IQCM: variants seen among roughly 807,000 people sequenced by gnomAD.
The protein encoded by IQCM is IQ domain-containing protein M.
Under a neutral mutation model 57.6 loss-of-function variants are expected in IQCM, and 45 were observed. The observed-to-expected ratio is 0.78, with a 90% CI of 0.62 to 1.00. The LOEUF is 1.00. IQCM is among the 50% of genes least tolerant of loss of function. The pLI, the probability that IQCM is intolerant of heterozygous loss-of-function variation, is 0.00. For missense variants in IQCM, 468 were observed against 511.6 expected, an observed-to-expected ratio of 0.91 and a Z score of 0.82; for synonymous variants, 148 against 158.9, an observed-to-expected ratio of 0.93 and a Z score of 0.51.
intron 8 of IQCM, among the ~76,000 whole-genome samples, chr4:149,592,574 G>T (rs529451572): frequency 1.3e-4 from 19 of 151,780 alleles, no homozygotes; most frequent in Admixed American, 9.9e-4. Flanking sequence ...TTTCTTCTAG[G>T]GTTTTTATGG....
chr4:149,474,823 T>G (rs1225302634), intron 12 of IQCM, among the ~76,000 whole-genome samples: 1 of 152,042 alleles, frequency 6.6e-6, no homozygotes, highest in Non-Finnish European at 1.5e-5. Flanking sequence ...GTTAGCTGGA[T>G]GAAAATCTGA....
Position 149,742,749 on chromosome 4 carries a change from A to G in IQCM, c.-48-10T>C. 1 of 1,031,814 alleles carries G rather than the reference A, an allele frequency of 9.7e-7. No homozygotes were observed. The highest frequency in any genetic ancestry group is 1.2e-6 in the Non-Finnish European group (1 of 805,216). The allele number at this position is 1,031,814 out of a possible 1,614,324, so 63.9% of individuals were successfully genotyped here. ...GTGTGAGCTCCAAGTCCTTAAACAC[A>G]GTTACATTAAGTAATTCAGTGATGA... On this transcript the variant is annotated splice_polypyrimidine_tract_variant and intron_variant, in intron 2 of 13. Coordinates refer to ENST00000636793, the MANE Select transcript of IQCM (RefSeq NM_001363507.2).
At chr4:149,509,441 G>C (rs1382042827) in intron 12 of IQCM, among the ~76,000 whole-genome samples, 3 of 151,974 alleles carry the variant, frequency 2.0e-5, no homozygotes, top group African/African-American at 7.2e-5. Flanking sequence ...ATTATGCTCA[G>C]CTTTTTTTTT....
chr4:149,691,722 G>C (rs138596198), intron 5 of IQCM: 2 of 152,204 alleles, frequency 1.3e-5, no homozygotes, highest in East Asian at 3.9e-4. Flanking sequence ...TAGATCAAGA[G>C]ATTACAGATA....
chr4:149,422,349 T>G (rs924407460), intron 13 of IQCM, among the ~76,000 whole-genome samples: 4 of 151,852 alleles, frequency 2.6e-5, no homozygotes, highest in Admixed American at 2.0e-4. Context: ...AGGCAACAAG[T>G]TTACAAGGCT....
rs974296684 is a variant in IQCM, at chr4:149,796,571, C to T, written c.-49+18740G>A. 5.3e-5 allele frequency among the ~76,000 whole-genome samples: 8 copies of T among 152,094 alleles called. No homozygotes were observed. In the East Asian group the frequency reaches 1.2e-3, roughly 22 times the overall value. ...CCCCAGGCCTTTGAGTGAACATAGG[C>T]AGTAGCTAGGGAGTGATTACATCAG... On this transcript the variant is annotated intron_variant, in intron 2 of 13. Coordinates refer to ENST00000636793, the MANE Select transcript of IQCM (RefSeq NM_001363507.2).
intron 13 of IQCM, among the ~76,000 whole-genome samples, chr4:149,357,029 T>C (rs906833191): frequency 1.3e-5 from 2 of 152,236 alleles, no homozygotes; most frequent in Non-Finnish European, 2.9e-5. Flanking sequence ...AGTTCACTCA[T>C]GATTTGGCTC....
rs894075899 is a variant in IQCM, at chr4:149,746,929, A to G, written c.-48-4190T>C. 5.3e-5 allele frequency among the ~76,000 whole-genome samples: 8 copies of G among 152,290 alleles called. No individual in the cohort carries two copies. The South Asian group carries it at 1.7e-3, about 32-fold the overall frequency. Reference sequence around the variant, plus strand: ...AGTCTAGACCAGGCCACTTCTGGTCATGTCCCTAGTTGCAGGCCTCATCAG... The same window carrying G: ...AGTCTAGACCAGGCCACTTCTGGTCGTGTCCCTAGTTGCAGGCCTCATCAG... On this transcript the variant is annotated intron_variant, in intron 2 of 13. Transcript: ENST00000636793.
At chr4:149,707,985 T>C (rs1253632155) in intron 5 of IQCM, among the ~76,000 whole-genome samples, 1 of 152,044 alleles carries the variant, frequency 6.6e-6, no homozygotes, top group Non-Finnish European at 1.5e-5. Context: ...ATGTTTGCAA[T>C]CTTCCTTCTT....
intron 12 of IQCM, among the ~76,000 whole-genome samples, chr4:149,481,406 TTAATC>T (rs1410275036): frequency 6.6e-6 from 1 of 152,140 alleles, no homozygotes; most frequent in East Asian, 1.9e-4. Flanking sequence ...ATTTAAGTCT[TTAATC>T]TATCTAGATT....
intron 5 of IQCM, among the ~76,000 whole-genome samples, chr4:149,715,234 C>A (rs752096630): frequency 9.9e-5 from 15 of 152,164 alleles, no homozygotes; most frequent in Admixed American, 2.0e-4. Flanking sequence ...AGATCCCATG[C>A]CTGCCAAGGG....
At chr4:149,648,470 C>A (rs1758845766) in intron 7 of IQCM, among the ~76,000 whole-genome samples, 1 of 152,088 alleles carries the variant, frequency 6.6e-6, no homozygotes, top group Non-Finnish European at 1.5e-5. Context: ...GGTTCCAAGT[C>A]TTTGTTATTG....
chr4:149,455,663 C>T (rs544057219), intron 12 of IQCM, among the ~76,000 whole-genome samples: 2 of 152,104 alleles, frequency 1.3e-5, no homozygotes, highest in African/African-American at 4.8e-5. Context: ...CATGTAAAAC[C>T]ACACCTCCAA....
At position 149,395,783 on chromosome 4, in the gene IQCM, C is replaced by T. The variant is rs1234042307; in HGVS notation, c.1390+37613G>A. ...GTTATAATTAGTATTAAGACCTATT[C>T]TCTATTCCCAGAAGGGAAAATGACT... On this transcript the variant is annotated intron_variant, in intron 13 of 13. Coordinates refer to ENST00000636793, the MANE Select transcript of IQCM (RefSeq NM_001363507.2). Among the ~76,000 whole-genome samples, 7 of 152,186 alleles carry T rather than the reference C, an allele frequency of 4.6e-5. No homozygotes were observed. The East Asian group carries it at 1.4e-3, about 29-fold the overall frequency.
rs573985716 is a variant in IQCM at position 149,749,091 on chromosome 4, C to T, written c.-48-6352G>A. On this transcript the variant is annotated intron_variant, in intron 2 of 13. Coordinates refer to ENST00000636793, the MANE Select transcript of IQCM (RefSeq NM_001363507.2). ...AAATGTTGAGACAGATATAGAACTA[C>T]TGAAATATTCACACACTGCCTGTTG... Among the ~76,000 whole-genome samples, 77 of 152,284 alleles carry T rather than the reference C, an allele frequency of 5.1e-4. 1 individual carries two copies. The South Asian group carries it at 0.016, about 31-fold the overall frequency.
intron 7 of IQCM, among the ~76,000 whole-genome samples, chr4:149,631,407 C>A (rs1312316156): frequency 2.0e-5 from 3 of 152,000 alleles, no homozygotes; most frequent in Non-Finnish European, 4.4e-5. Flanking sequence ...GGGACTCCAA[C>A]ATAAAAATAA....
chr4:149,356,754 TA>T (rs1305127201), intron 13 of IQCM, among the ~76,000 whole-genome samples: 2 of 152,196 alleles, frequency 1.3e-5, no homozygotes, highest in East Asian at 3.8e-4. Flanking sequence ...ATATGAACTT[TA>T]AAGTAGTTTT....
intron 2 of IQCM, among the ~76,000 whole-genome samples, chr4:149,768,363 A>G (rs1770254944): frequency 6.6e-6 from 1 of 152,130 alleles, no homozygotes; most frequent in African/African-American, 2.4e-5. Flanking sequence ...CTTTCTAGGT[A>G]GATCACTTAT....
chr4:149,775,040 CAAA>C (rs35383107), intron 2 of IQCM, among the ~76,000 whole-genome samples: 8,843 of 86,992 alleles, frequency 0.1, 760 homozygotes, highest in African/African-American at 0.26. Flanking sequence ...TTCTTTTTGC[CAAA>C]AAAAAAAAAA....
Sources: gnomAD v4.1 joint callset for allele counts (sites outside exome capture counted in the v4.1 genomes callset) on GRCh38, gnomAD v4.1.1 for gene constraint, MANE v1.5 for transcripts, NCBI Gene and HGNC (gene_info 2026-07-23, HGNC 2026-07-21) for gene names.